Variants in SYCP2 observed in about 807,000 individuals in gnomAD.
SYCP2 encodes the protein synaptonemal complex lateral element protein.
Under a neutral mutation model 211.3 loss-of-function variants are expected in SYCP2, and 55 were observed. The ratio of observed to expected loss-of-function variants is 0.26; its 90% CI spans 0.21 to 0.33. The LOEUF (loss-of-function observed/expected upper bound fraction) is 0.33, where lower values mean the gene tolerates loss of function less well. SYCP2 is among the 10% of genes least tolerant of loss of function. SYCP2 has a pLI of 1.00. For missense variants in SYCP2, 1,731 were observed against 1,752.0 expected (o/e 0.99, Z 0.21); for synonymous variants, 570 against 555.2 (o/e 1.03, Z -0.37).
intron 5 of SYCP2, 70 bp from the exon 6 acceptor site, chr20:59,919,667 AT>A: frequency 1.1e-6 from 1 of 938,778 alleles, no homozygotes; most frequent in East Asian, 2.6e-5. Flanking sequence ...CTATCTTTGC[AT>A]AAACAGTAAA....
At chr20:59,870,456 C>T (rs183053003) in intron 35 of SYCP2, among the ~76,000 whole-genome samples, 21 of 151,388 alleles carry the variant, frequency 1.4e-4, no homozygotes, top group African/African-American at 5.1e-4. Flanking sequence ...TTTTTTAATA[C>T]AGCAAAAAGA....
At chr20:59,884,700 G>T (rs970522238) in intron 26 of SYCP2, among the ~76,000 whole-genome samples, 3 of 151,936 alleles carry the variant, frequency 2.0e-5, no homozygotes, top group African/African-American at 7.2e-5. Flanking sequence ...TTCACCTGTT[G>T]CATCGTTTGT....
rs1303034679 is a variant in SYCP2, at chr20:59,879,860, TATACAC to T, written c.2941+437_2941+442del. ...ATATATATATATATATATATATATA[TATACAC>T]ACACACACACACAAACATATAAATA... On this transcript the variant is annotated intron_variant, in intron 31 of 44. Coordinates refer to ENST00000357552, the MANE Select transcript of SYCP2 (RefSeq NM_014258.4). Among the ~76,000 whole-genome samples, 28 of 120,602 alleles carry T rather than the reference TATACAC, an allele frequency of 2.3e-4. No homozygotes were observed. In the East Asian group the frequency reaches 4.8e-3, roughly 21 times the overall value. The allele number at this position is 120,602 out of a possible 152,430, so 79.1% of individuals were successfully genotyped here.
chr20:59,879,127 G>A (rs2059615345), intron 31 of SYCP2, among the ~76,000 whole-genome samples: 2 of 152,014 alleles, frequency 1.3e-5, no homozygotes, highest in Admixed American at 1.3e-4. Context: ...TAGACTGTAA[G>A]CTCCCTGAGG....
At chr20:59,919,051 GATA>G (rs1048076703) in intron 7 of SYCP2, 104 bp downstream of exon 7, 3 of 570,660 alleles carry the variant, frequency 5.3e-6, no homozygotes, top group African/African-American at 4.0e-5. Flanking sequence ...CCTTGAATCA[GATA>G]ATGAGTTCTT....
In SYCP2 at chr20:59,892,020, A is replaced by G; in HGVS notation, c.2334T>C (p.Leu778=). The change falls in exon 24 of 45, where the codon CTT becomes CTC. Residue 778 remains leucine, a synonymous_variant. Coordinates refer to ENST00000357552, the MANE Select transcript of SYCP2 (RefSeq NM_014258.4). ...RKAEKELTSE[L]NSWDSKQKKM... is the part of the protein sequence containing the mutation. Reference sequence around the variant, plus strand: ...TTTTTTGTTTCGAATCCCAGGAATTAAGCTCAGAAGTCAATTCTTTCTCTG... The same window carrying G: ...TTTTTTGTTTCGAATCCCAGGAATTGAGCTCAGAAGTCAATTCTTTCTCTG... The G allele has an allele frequency of 6.3e-7, 1 of 1,596,234 alleles. No homozygotes were observed. The highest frequency in any genetic ancestry group is 8.5e-7 in the Non-Finnish European group (1 of 1,174,286).
intron 28 of SYCP2, 36 bp from the exon 29 acceptor site, chr20:59,881,528 G>C: frequency 9.4e-7 from 1 of 1,068,458 alleles, no homozygotes; most frequent in South Asian, 1.7e-5. Flanking sequence ...AGAGGTGTCA[G>C]TGTCAAAATA....
chr20:59,904,512 C>G (rs1419991138), intron 15 of SYCP2, among the ~76,000 whole-genome samples: 1 of 152,114 alleles, frequency 6.6e-6, no homozygotes, highest in Non-Finnish European at 1.5e-5. Flanking sequence ...CTGGATCAGT[C>G]CTTCAGCCCC....
intron 14 of SYCP2, among the ~76,000 whole-genome samples, chr20:59,909,119 C>T (rs1281056187): frequency 1.3e-5 from 2 of 152,078 alleles, no homozygotes; most frequent in African/African-American, 4.8e-5. Flanking sequence ...TAATTTGTTC[C>T]CTTTTGGCCG....
chr20:59,903,940 T>C lies in SYCP2; in HGVS notation c.1034-2130A>G, dbSNP rs539332039. On this transcript the variant is annotated intron_variant, in intron 15 of 44. Transcript: ENST00000357552. ...AAAAATCAGAAGGATTAAAATATCA[T>C]ATGTTTAAAGGTGTCAGAGAGCTGT... 7.2e-5 allele frequency among the ~76,000 whole-genome samples: 11 copies of C among 152,180 alleles called. No homozygotes were observed. The East Asian group carries it at 9.7e-4, about 13-fold the overall frequency.
At chr20:59,910,174 C>T (rs2060288848) in intron 14 of SYCP2, among the ~76,000 whole-genome samples, 1 of 151,958 alleles carries the variant, frequency 6.6e-6, no homozygotes, top group Non-Finnish European at 1.5e-5. Context: ...TGGAGAATGG[C>T]TTTTATGGAG....
At chr20:59,888,561 C>A (rs1189188543) in intron 24 of SYCP2, among the ~76,000 whole-genome samples, 1 of 151,928 alleles carries the variant, frequency 6.6e-6, no homozygotes, top group Admixed American at 6.6e-5. Context: ...TGGTGAGAAA[C>A]GAGATGCTTT....
In SYCP2 at chr20:59,867,864, A is replaced by G; in HGVS notation, c.3989-17T>C. The G allele has an allele frequency of 6.3e-7, 1 of 1,582,768 alleles. No homozygotes were observed. The highest frequency in any genetic ancestry group is 8.6e-7 in the Non-Finnish European group (1 of 1,159,790). The stretch of plus-strand genomic sequence containing the variant: ...TTTCAGACACTAAAAAATGAAAACA[A>G]TCTGCTGAAGTTAAAATATGCATTA... On this transcript the variant is annotated splice_polypyrimidine_tract_variant and intron_variant, in intron 38 of 44. Transcript: ENST00000357552.
chr20:59,870,486 G>A (rs1453711809), intron 35 of SYCP2, among the ~76,000 whole-genome samples: 2 of 151,464 alleles, frequency 1.3e-5, no homozygotes, highest in African/African-American at 2.4e-5. Context: ...AAATACTTAA[G>A]AATTAATCTA....
In SYCP2 at chr20:59,892,176, C is replaced by T. The variant is rs781040014; in HGVS notation, c.2178G>A (p.Ser726=). ...WPVESETTFK[S]VLLNKTIEES... ...CTTCAATTGTCTTATTTAGGAGAAC[C>T]GATTTAAAAGTAGTTTCAGATTCAA... Residue 726 remains serine (S), a synonymous_variant, in exon 24 of 45, where the codon TCG becomes TCA. Transcript: ENST00000357552. 47 of 1,612,364 alleles carry T rather than the reference C, an allele frequency of 2.9e-5. No homozygotes were observed. The highest frequency in any genetic ancestry group is 3.5e-5 in the Non-Finnish European group (41 of 1,179,094).
chr20:59,927,106 A>C (rs1055482471), intron 2 of SYCP2, among the ~76,000 whole-genome samples: 2 of 152,146 alleles, frequency 1.3e-5, no homozygotes, highest in African/African-American at 4.8e-5. Flanking sequence ...TCCACCAAAG[A>C]ATCTGACTGC....
chr20:59,888,044 C>T (rs2059830510), intron 24 of SYCP2, among the ~76,000 whole-genome samples: 1 of 151,990 alleles, frequency 6.6e-6, no homozygotes, highest in Admixed American at 6.6e-5. Flanking sequence ...CCTACCAAAA[C>T]ACCAGAAAGA....
At chr20:59,925,331 T>G (rs2060614645) in intron 2 of SYCP2, among the ~76,000 whole-genome samples, 1 of 152,188 alleles carries the variant, frequency 6.6e-6, no homozygotes, top group Middle Eastern at 3.4e-3. Flanking sequence ...GCAACAAACC[T>G]GCACATCTTG....
At chr20:59,906,767 A>G (rs952965180) in intron 15 of SYCP2, among the ~76,000 whole-genome samples, 1 of 152,132 alleles carries the variant, frequency 6.6e-6, no homozygotes, top group Admixed American at 6.5e-5. Context: ...AAAACATAGA[A>G]CATATATATG....
Sources: allele counts gnomAD v4.1 joint callset (sites outside exome capture counted in the v4.1 genomes callset), GRCh38; gene constraint gnomAD v4.1.1; transcripts MANE v1.5; gene names NCBI Gene and HGNC (gene_info 2026-07-23, HGNC 2026-07-21).